SGO2: variants seen among roughly 807,000 people sequenced by gnomAD.
SGO2 encodes the protein shugoshin 2, also known as shugoshin-like 2.
SGO2 carries 68 observed loss-of-function variants against 99.5 expected under a neutral mutation model. The observed-to-expected ratio is 0.68, with a 90% confidence interval of 0.56 to 0.84. SGO2 has a LOEUF of 0.84. Ranked by LOEUF, SGO2 falls within the 40% of genes least tolerant of loss-of-function variation. SGO2 has a pLI of 0.00. For missense variants in SGO2, 1,350 were observed against 1,436.7 expected, an observed-to-expected ratio of 0.94 and a Z score of 0.97; for synonymous variants, 457 against 487.1, an observed-to-expected ratio of 0.94 and a Z score of 0.81.
intron 4 of SGO2, among the ~76,000 whole-genome samples, chr2:200,541,023 T>C (rs2031936830): frequency 1.5e-5 from 1 of 68,002 alleles, no homozygotes; most frequent in South Asian, 4.5e-4. Flanking sequence ...CATCCCATGA[T>C]AGAAGGTGGA....
intron 5 of SGO2, among the ~76,000 whole-genome samples, chr2:200,566,408 T>G (rs2033190624): frequency 6.6e-6 from 1 of 152,208 alleles, no homozygotes; most frequent in South Asian, 2.1e-4. Flanking sequence ...TGGCAAATGT[T>G]GCTGTCTGAT....
chr2:200,530,464 G>C (rs2031317406), intron 1 of SGO2, among the ~76,000 whole-genome samples: 1 of 152,164 alleles, frequency 6.6e-6, no homozygotes, highest in South Asian at 2.1e-4. Context: ...GTAGACAGCT[G>C]GATACATGAA....
At chr2:200,538,762 T>C (rs189182438) in intron 4 of SGO2, among the ~76,000 whole-genome samples, 13 of 152,310 alleles carry the variant, frequency 8.5e-5, no homozygotes, top group African/African-American at 2.4e-5. Flanking sequence ...CTTTTTAGTA[T>C]GATGATGATG....
chr2:200,539,183 C>T (rs1187887218), intron 4 of SGO2, among the ~76,000 whole-genome samples: 2 of 151,972 alleles, frequency 1.3e-5, no homozygotes, highest in Non-Finnish European at 2.9e-5. Context: ...CTTTATTTAT[C>T]CTGTGGATAT....
chr2:200,527,304 C>T (rs1389285334), intron 1 of SGO2, among the ~76,000 whole-genome samples: 1 of 152,110 alleles, frequency 6.6e-6, no homozygotes, highest in Non-Finnish European at 1.5e-5. Flanking sequence ...CTGTGGTTTC[C>T]TAATTAGTAA....
rs1462810872 is a variant in SGO2 at position 200,571,616 on chromosome 2, G to T, written c.1270G>T (p.Asp424Tyr). 1.2e-6 allele frequency: 2 copies of T among 1,612,726 alleles called. No individual in the cohort carries two copies. Among genetic ancestry groups the T allele is most frequent in the East Asian group, 2.2e-5 (1 of 44,870 alleles). ...ACAGTTTAAAAATAGTTCAGATGTCGATATTGGGGAAAAGATTGAAAACAG... is the reference window on the plus strand; with the variant it reads ...ACAGTTTAAAAATAGTTCAGATGTCTATATTGGGGAAAAGATTGAAAACAG... ...KRQFKNSSDV[D>Y]IGEKIENRTE... Residue 424 changes from aspartate (D) to tyrosine (Y), a missense_variant, in exon 7 of 9, where the codon GAT becomes TAT. Physicochemically the swap from Asp to Tyr is radical, Grantham distance 160 (BLOSUM62 -3). Coordinates refer to ENST00000357799, the MANE Select transcript of SGO2 (RefSeq NM_152524.6).
intron 7 of SGO2, among the ~76,000 whole-genome samples, chr2:200,574,502 G>A (rs914975037): frequency 6.6e-6 from 1 of 151,960 alleles, no homozygotes; most frequent in Non-Finnish European, 1.5e-5. Flanking sequence ...TGGAATAAAC[G>A]ATTCTTTAAG....
rs556631113 is a variant in SGO2, at chr2:200,573,367, A to G, written c.3021A>G (p.Ser1007=). 1.4e-4 allele frequency: 226 copies of G among 1,601,924 alleles called. No individual in the cohort carries two copies. Among genetic ancestry groups the G allele is most frequent in the Non-Finnish European group, 1.8e-4 (207 of 1,176,666 alleles). The change falls in exon 7 of 9, where the codon TCA becomes TCG. Residue 1007 remains serine (S), a synonymous_variant. Coordinates refer to ENST00000357799, the MANE Select transcript of SGO2 (RefSeq NM_152524.6). ...ILTKAKNKLA[S]QLTESSQTSI... ...CAAAAGCTAAGAACAAACTTGCTTC[A>G]CAGTTAACAGAATCTTCACAGACAT...
chr2:200,532,332 G>C, intron 1 of SGO2: 1 of 879,868 alleles, frequency 1.1e-6, no homozygotes, highest in South Asian at 5.3e-5. Context: ...AGGAGGCTTG[G>C]GAAGGAAATG....
chr2:200,548,745 A>T (rs1421852162), intron 5 of SGO2, among the ~76,000 whole-genome samples: 1 of 152,188 alleles, frequency 6.6e-6, no homozygotes, highest in Non-Finnish European at 1.5e-5. Context: ...ATAAAATCAA[A>T]CAAGAGATGA....
At chr2:200,565,243 T>C (rs1046631239) in intron 5 of SGO2, among the ~76,000 whole-genome samples, 1 of 152,236 alleles carries the variant, frequency 6.6e-6, no homozygotes, top group Admixed American at 6.5e-5. Context: ...AGGATCTCTT[T>C]TAGGGCAGTC....
chr2:200,574,712 AG>A (rs1453499948), intron 7 of SGO2, among the ~76,000 whole-genome samples: 1 of 152,010 alleles, frequency 6.6e-6, no homozygotes, highest in Non-Finnish European at 1.5e-5. Flanking sequence ...AGAAAAAGGG[AG>A]GGGGAAAAAA....
intron 5 of SGO2, among the ~76,000 whole-genome samples, chr2:200,552,333 CT>C (rs1325411480): frequency 6.6e-6 from 1 of 152,154 alleles, no homozygotes; most frequent in Admixed American, 6.5e-5. Context: ...CAGTGCTCAG[CT>C]TTATTTTATA....
At chr2:200,547,070 T>C in intron 5 of SGO2, among the ~76,000 whole-genome samples, 1 of 152,122 alleles carries the variant, frequency 6.6e-6, no homozygotes, top group East Asian at 1.9e-4. Flanking sequence ...CTTCAAGGCA[T>C]ATAATAATCA....
intron 5 of SGO2, among the ~76,000 whole-genome samples, chr2:200,553,821 C>G (rs13417155): frequency 0.016 from 2,379 of 152,220 alleles, 75 homozygotes; most frequent in African/African-American, 0.054. Context: ...GTAAATTCCT[C>G]TCTTCTTGAG....
Position 200,571,944 on chromosome 2 carries a change from C to T in SGO2, c.1598C>T (p.Ala533Val), listed in dbSNP as rs2106344269. 1.2e-6 allele frequency: 2 copies of T among 1,611,612 alleles called. No individual in the cohort carries two copies. Among genetic ancestry groups the T allele is most frequent in the Non-Finnish European group, 8.5e-7 (1 of 1,179,208 alleles). ...TCCCTAACTTGTAATAAAAGTAAAG[C>T]TTCTAGACAGACATTTGTGATTCAC... ...QNSLTCNKSK[A>V]SRQTFVIHKL... Residue 533 changes from alanine (A) to valine (V), a missense_variant, in exon 7 of 9, where the codon GCT becomes GTT. By Grantham distance (64) the Ala-to-Val change is moderately conservative. Coordinates refer to ENST00000357799, the MANE Select transcript of SGO2 (RefSeq NM_152524.6).
In SGO2 at chr2:200,573,774, A is replaced by G. The variant is rs16833776; in HGVS notation, c.3428A>G (p.His1143Arg). 6.8e-3 allele frequency: 10,971 copies of G among 1,612,024 alleles called. 555 individuals carry two copies. In the African/African-American group the frequency reaches 0.12, roughly 17 times the overall value. ...TKAFRSLSEI[H>R]SPNIQDSSFD... ...GCATTTAGATCTTTGTCTGAGATAC[A>G]TTCACCTAACATACAAGATTCTTCC... Residue 1143 changes from histidine to arginine, a missense_variant, in exon 7 of 9, where the codon CAT becomes CGT. Physicochemically the swap from His to Arg is conservative, Grantham distance 29. Coordinates refer to ENST00000357799, the MANE Select transcript of SGO2 (RefSeq NM_152524.6).
chr2:200,561,111 T>C (rs976821950), intron 5 of SGO2, among the ~76,000 whole-genome samples: 1 of 152,206 alleles, frequency 6.6e-6, no homozygotes, highest in Non-Finnish European at 1.5e-5. Flanking sequence ...TTGTTACATA[T>C]GTATACATCT....
At chr2:200,583,385 A>G in intron 8 of SGO2, 64 bp from the exon 9 acceptor site, 1 of 1,427,896 alleles carries the variant, frequency 7.0e-7, no homozygotes, top group Non-Finnish European at 9.6e-7. Flanking sequence ...TTTCTTCTCC[A>G]TGCTTCACAG....
Sources: allele counts gnomAD v4.1 joint callset (sites outside exome capture counted in the v4.1 genomes callset), GRCh38; gene constraint gnomAD v4.1.1; transcripts MANE v1.5; gene names NCBI Gene and HGNC (gene_info 2026-07-23, HGNC 2026-07-21).